Variants in SP100 observed in about 807,000 individuals in gnomAD.
SP100 encodes SP100 nuclear body protein.
A neutral mutation model predicts 130.0 loss-of-function variants in SP100; 84 were observed. The observed-to-expected ratio is 0.65, with a 90% CI of 0.54 to 0.77. The LOEUF is 0.77. SP100 is among the 30% of genes least tolerant of loss of function. SP100 has a pLI of 0.00. For missense variants in SP100, 978 were observed against 1,052.2 expected (o/e 0.93, Z 0.97); for synonymous variants, 331 against 351.7 (o/e 0.94, Z 0.66).
chr2:230,515,083 C>A (rs1309787190), intron 24 of SP100: 18 of 1,610,360 alleles, frequency 1.1e-5, no homozygotes, highest in Non-Finnish European at 1.7e-6. Flanking sequence ...ATTTTTTGTG[C>A]AAACTTGTCA....
At chr2:230,509,856 T>G (rs1055363948) in intron 23 of SP100, 1 of 152,260 alleles carries the variant, frequency 6.6e-6, no homozygotes, top group Non-Finnish European at 1.5e-5. Flanking sequence ...TGTGTTCACT[T>G]GTTCATGCAC....
chr2:230,419,714 C>T (rs998244985), intron 2 of SP100, among the ~76,000 whole-genome samples: 1 of 152,138 alleles, frequency 6.6e-6, no homozygotes, highest in Non-Finnish European at 1.5e-5. Context: ...TGTTATTCAT[C>T]TTTTATTGTG....
At position 230,444,185 on chromosome 2, in the gene SP100, A is replaced by T; in HGVS notation, c.278A>T (p.Gln93Leu). 6.4e-7 allele frequency: 1 copy of T among 1,569,092 alleles called. No homozygotes were observed. Among genetic ancestry groups the T allele is most frequent in the Non-Finnish European group, 8.6e-7 (1 of 1,161,722 alleles). ...CATTCAATATTTTTTAAGGATTCTC[A>T]AGATTCTTGTAGAAACCTGGTCCCT... is the stretch of plus-strand genomic sequence containing the variant. ...LITNKMFEDS[Q>L]DSCRNLVPVQ... is the part of the protein sequence containing the mutation. The change falls in exon 4 of 29, where the codon CAA becomes CTA. Residue 93 changes from glutamine to leucine, a missense_variant. Gln to Leu is a moderately radical substitution (Grantham distance 113). Coordinates refer to ENST00000340126, the MANE Select transcript of SP100 (RefSeq NM_001080391.2).
At chr2:230,520,440 C>T (rs148103318) in intron 24 of SP100, among the ~76,000 whole-genome samples, 62 of 152,288 alleles carry the variant, frequency 4.1e-4, no homozygotes, top group Non-Finnish European at 7.6e-4. Flanking sequence ...TCAACAAAAA[C>T]TCCTGTCTAG....
chr2:230,517,778 G>A (rs926080290), intron 24 of SP100, among the ~76,000 whole-genome samples: 3 of 140,952 alleles, frequency 2.1e-5, no homozygotes, highest in African/African-American at 7.9e-5. Context: ...AAAAAAAAAA[G>A]TTTTAAAAAG....
rs1559486682 is a variant in SP100 at position 230,436,962 on chromosome 2, AC to A, written c.108-5974del. Among the ~76,000 whole-genome samples the A allele has an allele frequency of 6.7e-3, 676 of 100,790 alleles. 3 individuals are homozygous for A. Among genetic ancestry groups the A allele is most frequent in the Non-Finnish European group, 0.011 (470 of 44,612 alleles). The allele number at this position is 100,790 out of a possible 152,430, so 66.1% of individuals were successfully genotyped here. On this transcript the variant is annotated intron_variant, in intron 2 of 28. Coordinates refer to ENST00000340126, the MANE Select transcript of SP100 (RefSeq NM_001080391.2). ...CACACGCATATATGTGTATACACAC[AC>A]ATATATATGTGTATACACACACATA...
intron 24 of SP100, chr2:230,515,073 A>AT (rs1373101448): frequency 3.1e-6 from 5 of 1,610,924 alleles, no homozygotes; most frequent in Admixed American, 3.4e-5. Flanking sequence ...TATCATATGC[A>AT]TTTTTTGTGC....
intron 17 of SP100, among the ~76,000 whole-genome samples, chr2:230,487,149 T>C (rs937981678): frequency 6.6e-6 from 1 of 152,238 alleles, no homozygotes; most frequent in Non-Finnish European, 1.5e-5. Context: ...ATAGTTTCTT[T>C]TGCTGTGCAG....
At chr2:230,496,448 C>G (rs1368799309) in intron 18 of SP100, among the ~76,000 whole-genome samples, 2 of 152,116 alleles carry the variant, frequency 1.3e-5, no homozygotes, top group African/African-American at 4.8e-5. Context: ...GTGTCTATTG[C>G]TTTCAGCTAA....
chr2:230,425,601 A>G (rs1378851649), intron 2 of SP100, among the ~76,000 whole-genome samples: 1 of 152,214 alleles, frequency 6.6e-6, no homozygotes, highest in African/African-American at 2.4e-5. Flanking sequence ...CCAGGGATAA[A>G]TCCCACTTGA....
chr2:230,515,651 G>A, intron 24 of SP100: 2 of 1,591,244 alleles, frequency 1.3e-6, no homozygotes, highest in Admixed American at 1.8e-5. Flanking sequence ...GTTGCTTCTA[G>A]TGCAGTTTTT....
chr2:230,463,700 G>T, intron 10 of SP100: 1 of 162,736 alleles, frequency 6.1e-6, no homozygotes, highest in Admixed American at 6.1e-5. Flanking sequence ...AATTCAGCAA[G>T]GCACTGGGTT....
chr2:230,537,696 A>AT (rs1692000320), intron 24 of SP100: 1 of 152,198 alleles, frequency 6.6e-6, no homozygotes, highest in Non-Finnish European at 1.5e-5. Flanking sequence ...TCACCTGGGG[A>AT]TCCCCCGCAA....
In SP100 at chr2:230,544,258, G is replaced by A. The variant is rs991306523; in HGVS notation, c.*1312G>A. 6.6e-6 allele frequency among the ~76,000 whole-genome samples: 1 copy of A among 152,090 alleles called. No individual in the cohort carries two copies. The highest frequency in any genetic ancestry group is 1.5e-5 in the Non-Finnish European group (1 of 68,000). ...CAAAGATTTCATGATAAAGACAAAA[G>A]CAATAGCAACAAAAGCAAAATTTGA... On this transcript the variant is annotated 3_prime_UTR_variant, in exon 29 of 29. Coordinates refer to ENST00000340126, the MANE Select transcript of SP100 (RefSeq NM_001080391.2).
In SP100 at chr2:230,470,081, C is replaced by T. The variant is rs143605607; in HGVS notation, c.1412C>T (p.Ser471Phe). Reference protein sequence around the residue: ...GEELQETCSSSLRRGSGSQPQ... With the variant: ...GEELQETCSSFLRRGSGSQPQ... ...GAGCTTCAGGAAACCTGCAGCTCAT[C>T]CCTAAGAAGAGGGTCAGGTAAAGAA... The change falls in exon 15 of 29, where the codon TCC (serine) becomes TTC (phenylalanine). Residue 471 changes from serine to phenylalanine, a missense_variant. Coordinates refer to ENST00000340126, the MANE Select transcript of SP100 (RefSeq NM_001080391.2). 12 of 1,609,642 alleles carry T rather than the reference C, an allele frequency of 7.5e-6. No individual in the cohort carries two copies. Among genetic ancestry groups the T allele is most frequent in the African/African-American group, 1.3e-5 (1 of 74,750 alleles).
At chr2:230,517,914 A>G (rs887746802) in intron 24 of SP100, among the ~76,000 whole-genome samples, 1 of 152,138 alleles carries the variant, frequency 6.6e-6, no homozygotes, top group Non-Finnish European at 1.5e-5. Flanking sequence ...TTTATTTTTA[A>G]TATCAAATCT....
intron 15 of SP100, 182 bp from the exon 16 acceptor site, chr2:230,473,142 A>G (rs1559507855): frequency 8.2e-6 from 4 of 484,954 alleles, no homozygotes; most frequent in Non-Finnish European, 1.1e-5. Context: ...TGAAATTCTC[A>G]GGGTTATTTA....
rs1216913060 is a variant in SP100 at position 230,449,125 on chromosome 2, A to G, written c.561A>G (p.Pro187=). 2 of 1,613,548 alleles carry G rather than the reference A, an allele frequency of 1.2e-6. No homozygotes were observed. The highest frequency in any genetic ancestry group is 1.3e-5 in the African/African-American group (1 of 74,888). Residue 187 remains proline, a synonymous_variant, in exon 6 of 29, where the codon CCA becomes CCG. Coordinates refer to ENST00000340126, the MANE Select transcript of SP100 (RefSeq NM_001080391.2). ...GENSFRSLTW[P]PSGSPSHAGT... is the part of the protein sequence containing the mutation. ...ACTCTTTTCGAAGCCTGACTTGGCCACCTTCGGGTTCCCCATCTCATGCTG... is the reference window on the plus strand; with the variant it reads ...ACTCTTTTCGAAGCCTGACTTGGCCGCCTTCGGGTTCCCCATCTCATGCTG...
At position 230,417,582 on chromosome 2, in the gene SP100, T is replaced by G; in HGVS notation, c.33-9T>G. The G allele has an allele frequency of 6.2e-7, 1 of 1,609,942 alleles. No homozygotes were observed. Among genetic ancestry groups the G allele is most frequent in the Non-Finnish European group, 8.5e-7 (1 of 1,178,790 alleles). Reference sequence around the variant, plus strand: ...TTATTTACTTGGTCCTGCCAAATTGTCTTTCTAGGAGGCTGAATGAATGTA... The same window carrying G: ...TTATTTACTTGGTCCTGCCAAATTGGCTTTCTAGGAGGCTGAATGAATGTA... On this transcript the variant is annotated splice_polypyrimidine_tract_variant and intron_variant, in intron 1 of 28. Coordinates refer to ENST00000340126, the MANE Select transcript of SP100 (RefSeq NM_001080391.2).
Sources: allele counts gnomAD v4.1 joint callset (sites outside exome capture counted in the v4.1 genomes callset), GRCh38; gene constraint gnomAD v4.1.1; transcripts MANE v1.5; gene names NCBI Gene and HGNC (gene_info 2026-07-23, HGNC 2026-07-21).